WDR70: variants seen among roughly 807,000 people sequenced by gnomAD.
The protein encoded by WDR70 is WD repeat domain 70.
A neutral mutation model predicts 88.6 loss-of-function variants in WDR70; 53 were observed. The observed-to-expected ratio is 0.60, with a 90% CI of 0.48 to 0.75. The LOEUF (loss-of-function observed/expected upper bound fraction) is 0.75. Ranked by LOEUF, WDR70 falls within the 30% of genes least tolerant of loss-of-function variation. The pLI, the probability that WDR70 is intolerant of heterozygous loss-of-function variation, is 0.00. For missense variants in WDR70, 610 were observed against 823.2 expected (o/e 0.74, Z 3.17); for synonymous variants, 280 against 270.0 (o/e 1.04, Z -0.36).
intron 10 of WDR70, among the ~76,000 whole-genome samples, chr5:37,675,315 A>G (rs1196171311): frequency 1.3e-5 from 2 of 152,178 alleles, no homozygotes; most frequent in Non-Finnish European, 2.9e-5. Flanking sequence ...ACCCATGCCT[A>G]TGTCCTGAAT....
At chr5:37,576,357 A>T (rs1175653400) in intron 9 of WDR70, among the ~76,000 whole-genome samples, 1 of 151,868 alleles carries the variant, frequency 6.6e-6, no homozygotes, top group African/African-American at 2.4e-5. Flanking sequence ...AAGGCAAGAT[A>T]ATAGCTCCTT....
intron 7 of WDR70, among the ~76,000 whole-genome samples, chr5:37,463,330 C>G (rs894663484): frequency 6.6e-6 from 1 of 151,824 alleles, no homozygotes; most frequent in African/African-American, 2.4e-5. Flanking sequence ...CATCACGCAG[C>G]TAGTTAGCAG....
chr5:37,504,782 G>C (rs1357520818), intron 8 of WDR70, among the ~76,000 whole-genome samples: 3 of 152,136 alleles, frequency 2.0e-5, no homozygotes, highest in Non-Finnish European at 2.9e-5. Context: ...TCTCCTAAAG[G>C]AGACAAAAGT....
At chr5:37,636,282 T>C (rs1744962582) in intron 10 of WDR70, among the ~76,000 whole-genome samples, 1 of 152,172 alleles carries the variant, frequency 6.6e-6, no homozygotes, top group African/African-American at 2.4e-5. Context: ...TCCATACTGA[T>C]AGAAATAATA....
rs1396985793 is a variant in WDR70, at chr5:37,396,250, T to G, written c.297-125T>G. ...ACATTTAATGTTTGAACTACAAATT[T>G]AAAAAAATTAAAAAATACCCAGTTG... is the stretch of plus-strand genomic sequence containing the variant. On this transcript the variant is annotated intron_variant, in intron 4 of 17. Transcript: ENST00000265107. The G allele has an allele frequency of 9.8e-6, 13 of 1,319,882 alleles. No individual in the cohort carries two copies. In the East Asian group the frequency reaches 3.3e-4, roughly 34 times the overall value. The allele number at this position is 1,319,882 out of a possible 1,614,324, so 81.8% of individuals were successfully genotyped here.
At chr5:37,686,758 G>A (rs1746615482) in intron 10 of WDR70, among the ~76,000 whole-genome samples, 1 of 151,524 alleles carries the variant, frequency 6.6e-6, no homozygotes, top group Non-Finnish European at 1.5e-5. Context: ...TTTTCCAATT[G>A]GGAGTTTGTA....
At chr5:37,702,894 G>T in intron 12 of WDR70, 55 bp from the exon 13 acceptor site, 1 of 1,536,940 alleles carries the variant, frequency 6.5e-7, no homozygotes, top group Admixed American at 1.8e-5. Flanking sequence ...ACTAATGATT[G>T]CTGGACTGTT....
rs16903702 is a variant in WDR70 at position 37,722,507 on chromosome 5, A to G, written c.1518-348A>G. The G allele has an allele frequency of 5.2e-3, 1,211 of 231,500 alleles. 19 individuals are homozygous for G. The highest frequency in any genetic ancestry group is 0.026 in the African/African-American group (1,132 of 43,868). The allele number at this position is 231,500 out of a possible 1,614,324, so 14.3% of individuals were successfully genotyped here. A position where few individuals can be genotyped will look rare whatever the true frequency, so the allele number is the denominator to read the frequency against. On this transcript the variant is annotated intron_variant, in intron 14 of 17. Transcript: ENST00000265107. ...TTGCTTTAGTCTGAGACATAAACTA[A>G]AATTTTAACCCTGTGACCTTTAGAG...
At chr5:37,536,771 G>GA (rs1300936505) in intron 9 of WDR70, among the ~76,000 whole-genome samples, 4 of 151,542 alleles carry the variant, frequency 2.6e-5, no homozygotes, top group Non-Finnish European at 5.9e-5. Flanking sequence ...GTTTTTCACT[G>GA]AAAAAAAATT....
chr5:37,410,072 G>C (rs1436690830), intron 5 of WDR70, among the ~76,000 whole-genome samples: 7 of 151,460 alleles, frequency 4.6e-5, no homozygotes, highest in African/African-American at 1.7e-4. Flanking sequence ...TAAGAGATAG[G>C]GTTTTGCTAT....
intron 7 of WDR70, among the ~76,000 whole-genome samples, chr5:37,465,584 A>G: frequency 6.6e-6 from 1 of 151,090 alleles, no homozygotes; most frequent in South Asian, 2.1e-4. Context: ...GAAAAATTCT[A>G]TTGAGGTCTG....
chr5:37,391,498 CATT>C (rs1748818772), intron 3 of WDR70, among the ~76,000 whole-genome samples: 1 of 152,202 alleles, frequency 6.6e-6, no homozygotes, highest in South Asian at 2.1e-4. Flanking sequence ...ATGTAAGTGG[CATT>C]ATACAATATT....
intron 3 of WDR70, among the ~76,000 whole-genome samples, chr5:37,384,167 T>C (rs12523149): frequency 0.63 from 84,838 of 134,842 alleles, 30,923 homozygotes; most frequent in East Asian, 0.88. Flanking sequence ...CTCAGTACTT[T>C]CCCCCCTTTT....
At chr5:37,746,698 A>T (rs912180422) in intron 17 of WDR70, among the ~76,000 whole-genome samples, 9 of 152,154 alleles carry the variant, frequency 5.9e-5, no homozygotes, top group Non-Finnish European at 1.3e-4. Flanking sequence ...GGACACATAC[A>T]CCCTCCCAAG....
chr5:37,417,755 T>A (rs888653199), intron 5 of WDR70, among the ~76,000 whole-genome samples: 1 of 152,104 alleles, frequency 6.6e-6, no homozygotes, highest in South Asian at 2.1e-4. Flanking sequence ...CTATGTTGCC[T>A]AGGCTGGTCT....
intron 9 of WDR70, among the ~76,000 whole-genome samples, chr5:37,557,901 A>ATACTCTTTTGAATACTCTTAAAAAGAG (rs1561900701): frequency 3.2e-5 from 1 of 30,804 alleles, no homozygotes; most frequent in Admixed American, 3.5e-4. Flanking sequence ...CTTCAGATTT[A>ATACTCTTTTGAATACTCTTAAAAAGAG]TACTCTTTTG....
At chr5:37,724,775 A>G in intron 15 of WDR70, 159 bp from the exon 16 acceptor site, 2 of 709,834 alleles carry the variant, frequency 2.8e-6, no homozygotes, top group Non-Finnish European at 4.8e-6. Context: ...GGTCTCAAGC[A>G]AAATTGGCTA....
chr5:37,552,764 C>G (rs546096915), intron 9 of WDR70, among the ~76,000 whole-genome samples: 1 of 152,202 alleles, frequency 6.6e-6, no homozygotes, highest in Non-Finnish European at 1.5e-5. Context: ...ACATTTGGCA[C>G]CAGCCTTGAG....
At chr5:37,684,770 T>A (rs1409803736) in intron 10 of WDR70, among the ~76,000 whole-genome samples, 2 of 152,202 alleles carry the variant, frequency 1.3e-5, no homozygotes, top group African/African-American at 4.8e-5. Context: ...GCAGGATCCA[T>A]CCTTGTTCAC....
Sources: gnomAD v4.1 joint callset for allele counts (sites outside exome capture counted in the v4.1 genomes callset) on GRCh38, gnomAD v4.1.1 for gene constraint, MANE v1.5 for transcripts, NCBI Gene and HGNC (gene_info 2026-07-23, HGNC 2026-07-21) for gene names.